The following ST8SIA1 variants were observed in gnomAD, a reference collection of about 807,000 sequenced individuals.
ST8SIA1 encodes the protein ST8 alpha-N-acetyl-neuraminide alpha-2,8-sialyltransferase 1.
ST8SIA1 carries 16 observed loss-of-function variants against 35.9 expected under a neutral mutation model. The observed-to-expected ratio is 0.45, with a 90% CI of 0.30 to 0.68. ST8SIA1 has a LOEUF of 0.68. Ranked by LOEUF, ST8SIA1 falls within the 30% of genes least tolerant of loss-of-function variation. ST8SIA1 has a pLI of 0.09. For missense variants in ST8SIA1, 383 were observed against 453.6 expected (o/e 0.84, Z 1.41); for synonymous variants, 170 against 169.6 (o/e 1.00, Z -0.02).
intron 1 of ST8SIA1, chr12:22,325,027 A>G (rs1054322853): frequency 1.3e-4 from 20 of 157,646 alleles, no homozygotes; most frequent in Non-Finnish European, 8.3e-5. Context: ...ATACACACAA[A>G]CAAACATACA....
intron 1 of ST8SIA1, among the ~76,000 whole-genome samples, chr12:22,323,093 A>C (rs1311954535): frequency 1.3e-5 from 2 of 152,216 alleles, no homozygotes; most frequent in Non-Finnish European, 2.9e-5. Context: ...GCTGATAACC[A>C]TGAAAAATAA....
chr12:22,321,079 GACAC>G (rs1866594475), intron 1 of ST8SIA1, among the ~76,000 whole-genome samples: 1 of 151,420 alleles, frequency 6.6e-6, no homozygotes, highest in Non-Finnish European at 1.5e-5. Context: ...GAATCAACCA[GACAC>G]CAGACACACC....
chr12:22,328,924 AG>A (rs1415502880), intron 1 of ST8SIA1, among the ~76,000 whole-genome samples: 2 of 152,240 alleles, frequency 1.3e-5, no homozygotes, highest in African/African-American at 4.8e-5. Flanking sequence ...ATTTGAACAC[AG>A]CTGACTTCAG....
At chr12:22,202,755 T>G (rs1205198104) in intron 4 of ST8SIA1, among the ~76,000 whole-genome samples, 2 of 152,188 alleles carry the variant, frequency 1.3e-5, no homozygotes, top group Non-Finnish European at 2.9e-5. Flanking sequence ...AAAAAATAAT[T>G]CTGCCTGGAA....
At position 22,256,164 on chromosome 12, in the gene ST8SIA1, A is replaced by G. The variant is rs146486601; in HGVS notation, c.382-775T>C. On this transcript the variant is annotated intron_variant, in intron 2 of 4. Transcript: ENST00000396037. ...TGCTGAGAGTGATGCTGTGTTTATG[A>G]GCAAATGAACACTCTGGGTGGGTCT... Among the ~76,000 whole-genome samples, 240 of 152,314 alleles carry G rather than the reference A, an allele frequency of 1.6e-3. 1 individual carries two copies. Among genetic ancestry groups the G allele is most frequent in the African/African-American group, 5.5e-3 (230 of 41,560 alleles).
At chr12:22,275,282 G>C (rs1020235096) in intron 2 of ST8SIA1, among the ~76,000 whole-genome samples, 2 of 152,202 alleles carry the variant, frequency 1.3e-5, no homozygotes, top group African/African-American at 2.4e-5. Context: ...GGCTGGGCAT[G>C]GTGGCTCACG....
intron 1 of ST8SIA1, among the ~76,000 whole-genome samples, chr12:22,315,362 G>A (rs540010073): frequency 2.0e-5 from 3 of 152,230 alleles, no homozygotes; most frequent in African/African-American, 4.8e-5. Context: ...TAGAGCAACC[G>A]TTCTTTCTCC....
Position 22,261,206 on chromosome 12 carries a change from G to A in ST8SIA1, c.382-5817C>T, listed in dbSNP as rs181381132. On this transcript the variant is annotated intron_variant, in intron 2 of 4. Coordinates refer to ENST00000396037, the MANE Select transcript of ST8SIA1 (RefSeq NM_003034.4). ...GTCACCCAGGCTGGAGTGCAGTGCC[G>A]CAATCTTGGCTCACTGCAACCTGAG... 4.2e-3 allele frequency among the ~76,000 whole-genome samples: 645 copies of A among 152,036 alleles called. 6 individuals are homozygous for A. Among genetic ancestry groups the A allele is most frequent in the African/African-American group, 0.015 (618 of 41,460 alleles).
rs1175449608 is a variant in ST8SIA1, at chr12:22,196,633, A to G, written c.*4919T>C. The stretch of plus-strand genomic sequence containing the variant: ...AGTCTCTAGGACTTTTAAAGAAGCT[A>G]TGTAGGAACTGGTAGAATATTTGAT... On this transcript the variant is annotated 3_prime_UTR_variant, in exon 5 of 5. Transcript: ENST00000396037. The G allele has an allele frequency of 5.3e-5, 8 of 152,184 alleles. No homozygotes were observed. Among genetic ancestry groups the G allele is most frequent in the Non-Finnish European group, 1.2e-4 (8 of 68,034 alleles). 9.4% of individuals were successfully genotyped at this position (152,184 alleles called of 1,614,324 possible). A position where few individuals can be genotyped will look rare whatever the true frequency, so the allele number is the denominator to read the frequency against.
rs377709010 is a variant in ST8SIA1, at chr12:22,231,754, T to C, written c.584+17252A>G. 1.6e-4 allele frequency among the ~76,000 whole-genome samples: 25 copies of C among 152,124 alleles called. No individual in the cohort carries two copies. In the East Asian group the frequency reaches 4.5e-3, roughly 27 times the overall value. ...ACGCCCGGCTAATTTTTTGTATTTTTAGTAGAGACGGGGTTTCACCGTGTT... is the reference window on the plus strand; with the variant it reads ...ACGCCCGGCTAATTTTTTGTATTTTCAGTAGAGACGGGGTTTCACCGTGTT... On this transcript the variant is annotated intron_variant, in intron 4 of 4. Coordinates refer to ENST00000396037, the MANE Select transcript of ST8SIA1 (RefSeq NM_003034.4).
At chr12:22,278,680 A>C (rs1865998582) in intron 2 of ST8SIA1, among the ~76,000 whole-genome samples, 1 of 152,214 alleles carries the variant, frequency 6.6e-6, no homozygotes, top group Non-Finnish European at 1.5e-5. Flanking sequence ...TTATCAAATT[A>C]ATTTACAATT....
chr12:22,309,612 T>G (rs1866425912), intron 1 of ST8SIA1, among the ~76,000 whole-genome samples: 1 of 152,202 alleles, frequency 6.6e-6, no homozygotes, highest in East Asian at 1.9e-4. Flanking sequence ...GTATAAATTC[T>G]TGATCCCTTT....
rs1345336386 is a variant in ST8SIA1 at position 22,334,582 on chromosome 12, T to G, written c.-350A>C. 1 of 327,686 alleles carries G rather than the reference T, an allele frequency of 3.1e-6. No homozygotes were observed. Among genetic ancestry groups the G allele is most frequent in the Non-Finnish European group, 5.7e-6 (1 of 174,608 alleles). 20.3% of individuals were successfully genotyped at this position (327,686 alleles called of 1,614,324 possible). A position where few individuals can be genotyped will look rare whatever the true frequency, so the allele number is the denominator to read the frequency against. The stretch of plus-strand genomic sequence containing the variant: ...CGGTTCTGCAGCATCACGGTCGCCC[T>G]CGGCGAGGGTCCGGGAGAAGGCTCG... On this transcript the variant is annotated 5_prime_UTR_variant, in exon 1 of 5. Transcript: ENST00000396037.
intron 4 of ST8SIA1, among the ~76,000 whole-genome samples, chr12:22,238,748 C>T (rs1157810618): frequency 6.6e-6 from 1 of 152,182 alleles, no homozygotes; most frequent in Non-Finnish European, 1.5e-5. Flanking sequence ...CACAAATCAT[C>T]TGCAAAAATA....
chr12:22,288,503 G>A (rs1301325336), intron 1 of ST8SIA1, among the ~76,000 whole-genome samples: 1 of 152,190 alleles, frequency 6.6e-6, no homozygotes, highest in Non-Finnish European at 1.5e-5. Flanking sequence ...TTGTTGCCAG[G>A]AATCAGCCTA....
chr12:22,219,116 A>G (rs546615620), intron 4 of ST8SIA1, among the ~76,000 whole-genome samples: 2 of 152,270 alleles, frequency 1.3e-5, no homozygotes, highest in African/African-American at 4.8e-5. Flanking sequence ...TTGCATTAGC[A>G]TTGAAAGCTT....
At position 22,293,549 on chromosome 12, in the gene ST8SIA1, G is replaced by C. The variant is rs569667676; in HGVS notation, c.237-6256C>G. On this transcript the variant is annotated intron_variant, in intron 1 of 4. Transcript: ENST00000396037. ...TAGACTACAATATTGTTGACTCCTTGGGTTAATGTCACAGAGCCTGATTCA... is the reference window on the plus strand; with the variant it reads ...TAGACTACAATATTGTTGACTCCTTCGGTTAATGTCACAGAGCCTGATTCA... Among the ~76,000 whole-genome samples the C allele has an allele frequency of 7.2e-5, 11 of 152,290 alleles. No individual in the cohort carries two copies. The South Asian group carries it at 2.1e-3, about 29-fold the overall frequency.
chr12:22,324,756 C>G (rs765660140), intron 1 of ST8SIA1: 5 of 149,520 alleles, frequency 3.3e-5, no homozygotes, highest in Non-Finnish European at 5.9e-5. Flanking sequence ...CTCAGCTATA[C>G]AACAACTACA....
At chr12:22,228,070 C>T (rs150936587) in intron 4 of ST8SIA1, among the ~76,000 whole-genome samples, 2 of 152,344 alleles carry the variant, frequency 1.3e-5, no homozygotes, top group Non-Finnish European at 2.9e-5. Context: ...GTGATACTGC[C>T]TCTACTTTTC....
Sources: gnomAD v4.1 joint callset for allele counts (sites outside exome capture counted in the v4.1 genomes callset) on GRCh38, gnomAD v4.1.1 for gene constraint, MANE v1.5 for transcripts, NCBI Gene and HGNC (gene_info 2026-07-23, HGNC 2026-07-21) for gene names.